MYT1L: variants seen among roughly 807,000 people sequenced by gnomAD.
MYT1L encodes the protein myelin transcription factor 1-like protein.
Under a neutral mutation model 126.7 loss-of-function variants are expected in MYT1L, and 12 were observed. The ratio of observed to expected loss-of-function variants is 0.09; its 90% confidence interval spans 0.06 to 0.15. MYT1L has a LOEUF of 0.15. MYT1L is among the 10% of genes least tolerant of loss of function. The pLI is 1.00. For synonymous variants in MYT1L, 541 were observed against 604.2 expected (o/e 0.90, Z 1.53); for missense variants, 979 against 1,585.2 (o/e 0.62, Z 6.49).
At chr2:2,249,827 A>T (rs1429567124) in intron 2 of MYT1L, among the ~76,000 whole-genome samples, 2 of 151,808 alleles carry the variant, frequency 1.3e-5, no homozygotes, top group Non-Finnish European at 3.0e-5. Flanking sequence ...ACAACTTTAT[A>T]AAAAAAACTA....
chr2:2,243,984 T>C (rs184002747), intron 2 of MYT1L, among the ~76,000 whole-genome samples: 19 of 152,312 alleles, frequency 1.2e-4, no homozygotes, highest in African/African-American at 4.6e-4. Flanking sequence ...AGTTTTTGAA[T>C]GACTAAATTC....
intron 2 of MYT1L, among the ~76,000 whole-genome samples, chr2:2,238,267 G>T (rs1572737723): frequency 6.6e-6 from 1 of 152,106 alleles, no homozygotes; most frequent in Non-Finnish European, 1.5e-5. Flanking sequence ...TGAGCTGTGT[G>T]TCTCTGCGCA....
intron 2 of MYT1L, among the ~76,000 whole-genome samples, chr2:2,174,723 C>T (rs1454092445): frequency 6.6e-6 from 1 of 152,030 alleles, no homozygotes; most frequent in Admixed American, 6.5e-5. Flanking sequence ...ATTATTGATA[C>T]TGACATAATA....
intron 2 of MYT1L, among the ~76,000 whole-genome samples, chr2:2,180,984 CTG>C (rs1251497037): frequency 5.3e-5 from 5 of 94,140 alleles, no homozygotes; most frequent in South Asian, 2.9e-4. Context: ...GTGTGTGTAC[CTG>C]TGTGTGCTTG....
chr2:2,211,803 C>CAAAAAAAAAAAAAAAAAACAAAAAAAA (rs2093520763), intron 2 of MYT1L, among the ~76,000 whole-genome samples: 1 of 59,738 alleles, frequency 1.7e-5, no homozygotes, highest in Non-Finnish European at 3.4e-5. Context: ...GACTCCATGT[C>CAAAAAAAAAAAAAAAAAACAAAAAAAA]AAAAAAAAAA....
intron 4 of MYT1L, among the ~76,000 whole-genome samples, chr2:2,047,626 G>A (rs752684463): frequency 7.2e-5 from 11 of 152,190 alleles, no homozygotes; most frequent in African/African-American, 2.2e-4. Flanking sequence ...GCTCAACACC[G>A]ATTTTTCATG....
intron 2 of MYT1L, among the ~76,000 whole-genome samples, chr2:2,182,151 G>A (rs1453209476): frequency 8.2e-6 from 1 of 122,684 alleles, no homozygotes; most frequent in Non-Finnish European, 1.8e-5. Flanking sequence ...TTGGAACTGT[G>A]GCCACGGACA....
intron 2 of MYT1L, among the ~76,000 whole-genome samples, chr2:2,276,299 A>G (rs1195950174): frequency 1.3e-5 from 2 of 152,138 alleles, no homozygotes; most frequent in Non-Finnish European, 2.9e-5. Context: ...CACAGCCCTG[A>G]GCAGACCAGT....
At position 1,811,024 on chromosome 2, in the gene MYT1L, A is replaced by G. The variant is rs994397713; in HGVS notation, c.3081-1857T>C. On this transcript the variant is annotated intron_variant, in intron 21 of 24. Transcript: ENST00000647738. The surrounding 1 kb of genome is among the most constrained non-coding windows in gnomAD (Gnocchi z 4.4). ...GCCTCGTGATGGGATCCGTGCCCTTATAACAGGGACCCAGACAGCTCCTTA... is the reference window on the plus strand; with the variant it reads ...GCCTCGTGATGGGATCCGTGCCCTTGTAACAGGGACCCAGACAGCTCCTTA... 2 of 152,150 alleles carry G rather than the reference A, an allele frequency of 1.3e-5. No homozygotes were observed. The highest frequency in any genetic ancestry group is 2.9e-5 in the Non-Finnish European group (2 of 68,036). The allele number at this position is 152,150 out of a possible 1,614,324, so 9.4% of individuals were successfully genotyped here. A position where few individuals can be genotyped will look rare whatever the true frequency, so the allele number is the denominator to read the frequency against.
chr2:2,102,302 G>C (rs2078197372), intron 3 of MYT1L, among the ~76,000 whole-genome samples: 2 of 152,158 alleles, frequency 1.3e-5, no homozygotes, highest in Non-Finnish European at 2.9e-5. Context: ...GAGAATTATA[G>C]TTTAATAATT....
rs2093662672 is a variant in MYT1L, at chr2:2,215,942, T to C, written c.-420-42954A>G. ...CCCTCATGGCACGGTACTGTCTTCA[T>C]GTTAGTGAATTCTCCTGAGATCTGG... On this transcript the variant is annotated intron_variant, in intron 2 of 24. Coordinates refer to ENST00000647738, the MANE Select transcript of MYT1L (RefSeq NM_001303052.2). Among the ~76,000 whole-genome samples the C allele has an allele frequency of 2.0e-5, 3 of 152,164 alleles. No homozygotes were observed. The South Asian group carries it at 6.2e-4, about 32-fold the overall frequency.
intron 3 of MYT1L, among the ~76,000 whole-genome samples, chr2:2,078,568 C>A (rs375452869): frequency 3.7e-4 from 56 of 152,046 alleles, no homozygotes; most frequent in African/African-American, 1.3e-3. Context: ...AGACTGAAGA[C>A]AATGTTTCAA....
At chr2:2,033,390 G>A (rs1454848152) in intron 4 of MYT1L, among the ~76,000 whole-genome samples, 2 of 149,408 alleles carry the variant, frequency 1.3e-5, no homozygotes, top group East Asian at 2.0e-4. Context: ...CATACCCCTC[G>A]CCAGTGCCTC....
At position 2,126,077 on chromosome 2, in the gene MYT1L, G is replaced by A. The variant is rs572528174; in HGVS notation, c.-304+46795C>T. Among the ~76,000 whole-genome samples, 3 of 152,344 alleles carry A rather than the reference G, an allele frequency of 2.0e-5. No homozygotes were observed. In the South Asian group the frequency reaches 6.2e-4, roughly 32 times the overall value. ...CTCCAGGCCTTGCATTTGGAAAGGG[G>A]AGAGTAGGGGCGGGATAAGAGCTCT... On this transcript the variant is annotated intron_variant, in intron 3 of 24. Coordinates refer to ENST00000647738, the MANE Select transcript of MYT1L (RefSeq NM_001303052.2).
chr2:2,276,371 A>G (rs1478425208), intron 2 of MYT1L, among the ~76,000 whole-genome samples: 1 of 152,178 alleles, frequency 6.6e-6, no homozygotes, highest in Non-Finnish European at 1.5e-5. Flanking sequence ...GATTCTGCCT[A>G]TCAGAATTAT....
chr2:1,955,161 A>G (rs1368917855), intron 8 of MYT1L, among the ~76,000 whole-genome samples: 2 of 150,698 alleles, frequency 1.3e-5, no homozygotes, highest in African/African-American at 4.9e-5. Context: ...AAAAAATATG[A>G]TTCTACGAGC....
intron 3 of MYT1L, among the ~76,000 whole-genome samples, chr2:2,060,347 T>G (rs1252870501): frequency 6.6e-6 from 1 of 152,222 alleles, no homozygotes; most frequent in Non-Finnish European, 1.5e-5. Flanking sequence ...TTATTAATAT[T>G]CATGATATAT....
intron 3 of MYT1L, among the ~76,000 whole-genome samples, chr2:2,084,729 A>G (rs1170306151): frequency 6.6e-6 from 1 of 152,218 alleles, no homozygotes; most frequent in African/African-American, 2.4e-5. Flanking sequence ...AAACCTACAG[A>G]CACTGTGAGA....
intron 3 of MYT1L, among the ~76,000 whole-genome samples, chr2:2,070,887 T>C (rs748869741): frequency 2.0e-5 from 3 of 152,210 alleles, no homozygotes; most frequent in Non-Finnish European, 4.4e-5. Context: ...GGGAAGTGTC[T>C]ACATACCTGC....
Sources: allele counts gnomAD v4.1 joint callset (sites outside exome capture counted in the v4.1 genomes callset), GRCh38; gene constraint gnomAD v4.1.1; non-coding constraint Gnocchi (gnomAD v3.1); transcripts MANE v1.5; gene names NCBI Gene and HGNC (gene_info 2026-07-23, HGNC 2026-07-21).